PAK5: variants seen among roughly 807,000 people sequenced by gnomAD.
PAK5 encodes serine/threonine-protein kinase PAK 5.
PAK5 carries 16 observed loss-of-function variants against 65.9 expected under a neutral mutation model. The ratio of observed to expected loss-of-function variants is 0.24; its 90% CI spans 0.16 to 0.37. The LOEUF is 0.37. PAK5 is among the 10% of genes least tolerant of loss of function. The pLI, the probability that PAK5 is intolerant of heterozygous loss-of-function variation, is 1.00. For missense variants in PAK5, 785 were observed against 903.9 expected, an observed-to-expected ratio of 0.87 and a Z score of 1.69; for synonymous variants, 371 against 354.9, an observed-to-expected ratio of 1.05 and a Z score of -0.51.
chr20:9,716,599 T>C (rs2048149804), intron 1 of PAK5, among the ~76,000 whole-genome samples: 1 of 152,206 alleles, frequency 6.6e-6, no homozygotes. Flanking sequence ...CGTACTACTT[T>C]TAATTTTCTA....
chr20:9,763,562 A>G (rs1600342246), intron 1 of PAK5, among the ~76,000 whole-genome samples: 1 of 152,306 alleles, frequency 6.6e-6, no homozygotes, highest in South Asian at 2.1e-4. Context: ...CTTGAAGCCC[A>G]ACTCTCATCT....
At chr20:9,670,477 G>A (rs2078741518) in intron 2 of PAK5, among the ~76,000 whole-genome samples, 1 of 152,138 alleles carries the variant, frequency 6.6e-6, no homozygotes, top group African/African-American at 2.4e-5. Context: ...ACTGGTGTGA[G>A]ATGGTATTTC....
intron 2 of PAK5, among the ~76,000 whole-genome samples, chr20:9,680,447 T>C (rs2047634408): frequency 6.6e-6 from 1 of 152,174 alleles, no homozygotes; most frequent in African/African-American, 2.4e-5. Flanking sequence ...AACAGGTTAC[T>C]ACTGTCAGCA....
intron 7 of PAK5, among the ~76,000 whole-genome samples, chr20:9,553,538 A>C (rs2045462231): frequency 6.6e-6 from 1 of 152,102 alleles, no homozygotes; most frequent in Admixed American, 6.6e-5. Flanking sequence ...GTGCATTTCT[A>C]TAATTATGTT....
intron 2 of PAK5, among the ~76,000 whole-genome samples, chr20:9,662,852 C>G (rs1482998258): frequency 6.6e-6 from 1 of 152,108 alleles, no homozygotes; most frequent in Non-Finnish European, 1.5e-5. Flanking sequence ...AGCTAAGTAT[C>G]AGAATGAAAT....
chr20:9,756,730 A>C (rs73073783), intron 1 of PAK5, among the ~76,000 whole-genome samples: 6,353 of 152,244 alleles, frequency 0.042, 175 homozygotes, highest in Non-Finnish European at 0.063. Flanking sequence ...AAAACAATGT[A>C]TATAGCTCAT....
At chr20:9,700,402 C>T (rs1021500919) in intron 2 of PAK5, among the ~76,000 whole-genome samples, 1 of 152,162 alleles carries the variant, frequency 6.6e-6, no homozygotes, top group Non-Finnish European at 1.5e-5. Context: ...CAGAGTGAGA[C>T]TCTATCTCAA....
intron 3 of PAK5, among the ~76,000 whole-genome samples, chr20:9,582,789 T>C (rs1054056798): frequency 6.6e-6 from 1 of 152,170 alleles, no homozygotes; most frequent in African/African-American, 2.4e-5. Context: ...CATTTATTTA[T>C]ATATAAGGAT....
At chr20:9,812,368 C>T (rs1210880236) in intron 1 of PAK5, among the ~76,000 whole-genome samples, 1 of 151,058 alleles carries the variant, frequency 6.6e-6, no homozygotes, top group Non-Finnish European at 1.5e-5. Context: ...TGGCAAGTAA[C>T]ATATAAAAAT....
At chr20:9,641,612 C>A (rs568616561) in intron 3 of PAK5, among the ~76,000 whole-genome samples, 1 of 151,886 alleles carries the variant, frequency 6.6e-6, no homozygotes, top group Non-Finnish European at 1.5e-5. Flanking sequence ...CTTGGGTGGT[C>A]GATGGGACTG....
intron 3 of PAK5, among the ~76,000 whole-genome samples, chr20:9,619,156 C>A (rs1350022806): frequency 6.6e-6 from 1 of 151,840 alleles, no homozygotes; most frequent in East Asian, 1.9e-4. Flanking sequence ...CTCCTGGGTT[C>A]AAATGATCTG....
At chr20:9,781,776 T>G (rs2048943105) in intron 1 of PAK5, among the ~76,000 whole-genome samples, 1 of 152,042 alleles carries the variant, frequency 6.6e-6, no homozygotes, top group African/African-American at 2.4e-5. Context: ...GGCTCTATCT[T>G]CATAAAATAT....
chr20:9,750,734 C>T lies in PAK5; in HGVS notation c.-161-39299G>A, dbSNP rs561143173. 9.9e-5 allele frequency among the ~76,000 whole-genome samples: 15 copies of T among 152,232 alleles called. No individual in the cohort carries two copies. The South Asian group carries it at 2.9e-3, about 30-fold the overall frequency. ...TTCTATGACTAGAATTCCACCCCAA[C>T]CTGCCCAATGAGGATACATATGTGC... On this transcript the variant is annotated intron_variant, in intron 1 of 9. Coordinates refer to ENST00000353224, the MANE Select transcript of PAK5 (RefSeq NM_177990.4).
Position 9,766,243 on chromosome 20 carries a change from A to T in PAK5, c.-161-54808T>A, listed in dbSNP as rs573219861. Among the ~76,000 whole-genome samples the T allele has an allele frequency of 3.5e-3, 149 of 42,268 alleles. 1 individual carries two copies. Among genetic ancestry groups the T allele is most frequent in the African/African-American group, 0.015 (114 of 7,464 alleles). 27.7% of individuals were successfully genotyped at this position (42,268 alleles called of 152,430 possible). A position where few individuals can be genotyped will look rare whatever the true frequency, so the allele number is the denominator to read the frequency against. On this transcript the variant is annotated intron_variant, in intron 1 of 9. Coordinates refer to ENST00000353224, the MANE Select transcript of PAK5 (RefSeq NM_177990.4). The stretch of plus-strand genomic sequence containing the variant: ...CTCAAAAAGGAAAAAAAAAGAAAAA[A>T]ATATATATATATGTTCTAATTGAAT...
At chr20:9,746,636 A>G (rs562402036) in intron 1 of PAK5, among the ~76,000 whole-genome samples, 3 of 152,156 alleles carry the variant, frequency 2.0e-5, no homozygotes, top group African/African-American at 7.2e-5. Context: ...CATTAGCCAC[A>G]GTGTTATGAG....
At chr20:9,614,345 G>A (rs928597350) in intron 3 of PAK5, among the ~76,000 whole-genome samples, 2 of 152,156 alleles carry the variant, frequency 1.3e-5, no homozygotes, top group South Asian at 4.1e-4. Flanking sequence ...AATATCCAAG[G>A]ACTGTGGGAT....
At chr20:9,685,500 G>T (rs2047706928) in intron 2 of PAK5, among the ~76,000 whole-genome samples, 1 of 152,156 alleles carries the variant, frequency 6.6e-6, no homozygotes, top group African/African-American at 2.4e-5. Flanking sequence ...AAGATTGCCA[G>T]AAAACAACTA....
At chr20:9,564,446 C>T (rs541908640) in intron 5 of PAK5, among the ~76,000 whole-genome samples, 30 of 152,160 alleles carry the variant, frequency 2.0e-4, no homozygotes, top group African/African-American at 6.7e-4. Flanking sequence ...ATAAAAATGG[C>T]CTATAACCAC....
intron 1 of PAK5, among the ~76,000 whole-genome samples, chr20:9,768,880 G>GA (rs1316654672): frequency 1.3e-5 from 2 of 148,632 alleles, no homozygotes; most frequent in African/African-American, 4.9e-5. Context: ...AGAAGGGAGG[G>GA]AAAAAAAGAA....
Sources: gnomAD v4.1 joint callset for allele counts (sites outside exome capture counted in the v4.1 genomes callset) on GRCh38, gnomAD v4.1.1 for gene constraint, MANE v1.5 for transcripts, NCBI Gene and HGNC (gene_info 2026-07-23, HGNC 2026-07-21) for gene names.